Variants in KCNC2 observed in about 807,000 individuals in gnomAD.
KCNC2 encodes potassium voltage-gated channel subfamily C member 2, also known as voltage-gated potassium channel KCNC2.
In KCNC2, 21 loss-of-function variants were observed where a neutral mutation model predicts 44.5. The observed-to-expected ratio is 0.47, with a 90% CI of 0.33 to 0.68. The LOEUF is 0.68. Ranked by LOEUF, KCNC2 falls within the 30% of genes least tolerant of loss-of-function variation. The pLI is 0.01. For synonymous variants in KCNC2, 391 were observed against 339.1 expected, an observed-to-expected ratio of 1.15 and a Z score of -1.68; for missense variants, 589 against 826.2, an observed-to-expected ratio of 0.71 and a Z score of 3.52.
chr12:75,121,339 C>T (rs1371543253), intron 2 of KCNC2, among the ~76,000 whole-genome samples: 1 of 152,094 alleles, frequency 6.6e-6, no homozygotes, highest in Non-Finnish European at 1.5e-5. Context: ...TTTCATTCTG[C>T]AATTAGTGAG....
At chr12:75,069,283 C>T (rs757684307) in intron 2 of KCNC2, among the ~76,000 whole-genome samples, 5 of 151,386 alleles carry the variant, frequency 3.3e-5, no homozygotes, top group African/African-American at 9.7e-5. Flanking sequence ...TACAGGCATG[C>T]GCCACCACGC....
intron 2 of KCNC2, among the ~76,000 whole-genome samples, chr12:75,113,379 T>C (rs1269416179): frequency 6.6e-6 from 1 of 152,202 alleles, no homozygotes; most frequent in Non-Finnish European, 1.5e-5. Context: ...ATATCAGTCA[T>C]TTAAATATGT....
rs914558874 is a variant in KCNC2 at position 75,202,790 on chromosome 12, T to C, written c.687+4507A>G. On this transcript the variant is annotated intron_variant, in intron 2 of 4. Transcript: ENST00000549446. ...CTGCATGTGTCAGGCAATATTCCTA[T>C]GTGAGTTTTTTTTTTTTAGGAAAAT... 5.8e-5 allele frequency among the ~76,000 whole-genome samples: 6 copies of C among 103,960 alleles called. No individual in the cohort carries two copies. In the East Asian group the frequency reaches 1.4e-3, roughly 24 times the overall value. 68.2% of individuals were successfully genotyped at this position (103,960 alleles called of 152,430 possible). A position where few individuals can be genotyped will look rare whatever the true frequency, so the allele number is the denominator to read the frequency against.
intron 2 of KCNC2, among the ~76,000 whole-genome samples, chr12:75,102,191 A>T (rs1229266643): frequency 5.3e-5 from 8 of 152,248 alleles, no homozygotes; most frequent in African/African-American, 1.7e-4. Context: ...GAAACAAGCC[A>T]GTAGTGGAAG....
chr12:75,113,441 G>GA (rs1167749688), intron 2 of KCNC2, among the ~76,000 whole-genome samples: 6 of 151,948 alleles, frequency 3.9e-5, no homozygotes, highest in South Asian at 2.1e-4. Context: ...GTAATTTTCA[G>GA]AAAAAAATAA....
chr12:75,051,462 A>T (rs1881163866), intron 2 of KCNC2, 145 bp from the exon 3 acceptor site: 2 of 571,264 alleles, frequency 3.5e-6, no homozygotes, highest in African/African-American at 3.7e-5. Flanking sequence ...TAAGGAAAAG[A>T]AGATACATGT....
intron 2 of KCNC2, among the ~76,000 whole-genome samples, chr12:75,071,419 A>G (rs1883386962): frequency 6.6e-6 from 1 of 152,200 alleles, no homozygotes; most frequent in Non-Finnish European, 1.5e-5. Context: ...TAGGCAATTC[A>G]GGAGGAAACC....
At chr12:75,136,346 A>ATTTTTGTT in intron 2 of KCNC2, among the ~76,000 whole-genome samples, 3 of 152,130 alleles carry the variant, frequency 2.0e-5, no homozygotes, top group Admixed American at 6.6e-5. Context: ...ATCAGAATAG[A>ATTTTTGTT]ACTAAGTGAA....
intron 2 of KCNC2, among the ~76,000 whole-genome samples, chr12:75,198,977 G>A (rs932435889): frequency 7.9e-5 from 12 of 151,440 alleles, no homozygotes; most frequent in African/African-American, 2.4e-4. Context: ...TTTAAATCAC[G>A]ACATTTTATA....
intron 2 of KCNC2, among the ~76,000 whole-genome samples, chr12:75,146,850 G>A (rs1380222495): frequency 6.6e-6 from 1 of 152,054 alleles, no homozygotes; most frequent in Admixed American, 6.6e-5. Context: ...ACCATTGATT[G>A]GTTTAATGTG....
chr12:75,074,241 T>C (rs1246018853), intron 2 of KCNC2, among the ~76,000 whole-genome samples: 7 of 149,458 alleles, frequency 4.7e-5, no homozygotes, highest in Non-Finnish European at 1.0e-4. Flanking sequence ...GATTTTTTTT[T>C]TTTTTTTTTT....
chr12:75,070,547 A>C (rs1268401161), intron 2 of KCNC2, among the ~76,000 whole-genome samples: 1 of 152,124 alleles, frequency 6.6e-6, no homozygotes, highest in Non-Finnish European at 1.5e-5. Context: ...CAGTATGTAG[A>C]AAGAAAACTT....
intron 2 of KCNC2, among the ~76,000 whole-genome samples, chr12:75,160,328 A>G (rs1891039739): frequency 6.6e-6 from 1 of 151,814 alleles, no homozygotes; most frequent in African/African-American, 2.4e-5. Context: ...TAGTCTCCAG[A>G]CCTGTGAAAA....
intron 2 of KCNC2, among the ~76,000 whole-genome samples, chr12:75,146,519 G>T (rs1202586307): frequency 6.6e-6 from 1 of 152,154 alleles, no homozygotes; most frequent in Non-Finnish European, 1.5e-5. Context: ...TTTAGTATAT[G>T]TGTAAACCAC....
intron 2 of KCNC2, among the ~76,000 whole-genome samples, chr12:75,171,171 G>A (rs74110446): frequency 0.052 from 7,859 of 151,826 alleles, 239 homozygotes; most frequent in East Asian, 0.11. Flanking sequence ...GTATACCCTT[G>A]ATAATCTCCT....
intron 2 of KCNC2, among the ~76,000 whole-genome samples, chr12:75,186,760 A>AT (rs1333578806): frequency 6.6e-6 from 1 of 152,156 alleles, no homozygotes; most frequent in Non-Finnish European, 1.5e-5. Flanking sequence ...ATGATACTTT[A>AT]TTTTTTAGTT....
rs201703988 is a variant in KCNC2 at position 75,041,072 on chromosome 12, C to G, written c.*2033G>C. ...AAGTGCCTCATGAAGACGCGAGGATCTCTTCCAAGTGCAACCTGGTCACAT... is the reference window on the plus strand; with the variant it reads ...AAGTGCCTCATGAAGACGCGAGGATGTCTTCCAAGTGCAACCTGGTCACAT... On this transcript the variant is annotated 3_prime_UTR_variant, in exon 5 of 5. Transcript: ENST00000549446. 19 of 1,579,806 alleles carry G rather than the reference C, an allele frequency of 1.2e-5. No homozygotes were observed. The highest frequency in any genetic ancestry group is 1.7e-4 in the Middle Eastern group (1 of 6,032).
At chr12:75,061,204 G>A (rs914101070) in intron 2 of KCNC2, among the ~76,000 whole-genome samples, 1 of 152,078 alleles carries the variant, frequency 6.6e-6, no homozygotes, top group Non-Finnish European at 1.5e-5. Context: ...CAAACATAAA[G>A]TTTAACTCAA....
chr12:75,145,719 G>A (rs1889975647), intron 2 of KCNC2, among the ~76,000 whole-genome samples: 1 of 152,014 alleles, frequency 6.6e-6, no homozygotes, highest in Non-Finnish European at 1.5e-5. Flanking sequence ...GTATATTCTG[G>A]TAAATAGTGC....
Sources: allele counts gnomAD v4.1 joint callset (sites outside exome capture counted in the v4.1 genomes callset), GRCh38; gene constraint gnomAD v4.1.1; transcripts MANE v1.5; gene names NCBI Gene and HGNC (gene_info 2026-07-23, HGNC 2026-07-21).